Variants in TMEM41B observed in about 807,000 individuals in gnomAD.
TMEM41B encodes transmembrane protein 41B, also known as protein stasimon.
TMEM41B carries 18 observed loss-of-function variants against 31.9 expected under a neutral mutation model. The ratio of observed to expected loss-of-function variants is 0.56; its 90% CI spans 0.39 to 0.84. The LOEUF is 0.84. TMEM41B is among the 40% of genes least tolerant of loss of function. TMEM41B has a pLI of 0.00. For synonymous variants in TMEM41B, 144 were observed against 124.3 expected, an observed-to-expected ratio of 1.16 and a Z score of -1.05; for missense variants, 322 against 348.0, an observed-to-expected ratio of 0.93 and a Z score of 0.59.
At chr11:9,311,604 G>T in intron 1 of TMEM41B, 2 of 1,021,156 alleles carry the variant, frequency 2.0e-6, no homozygotes, top group Non-Finnish European at 2.9e-6. Flanking sequence ...GATAGGTGGT[G>T]AGTGGGCAGG....
At position 9,314,466 on chromosome 11, in the gene TMEM41B, G is replaced by T. The variant is rs1323807036; in HGVS notation, c.-25C>A. Reference sequence around the variant, plus strand: ...TGGCTGCTGCAAGGTGAAGGGAGCGGTGCGGTGCCGCGCCCCCTAAACAAC... The same window carrying T: ...TGGCTGCTGCAAGGTGAAGGGAGCGTTGCGGTGCCGCGCCCCCTAAACAAC... On this transcript the variant is annotated 5_prime_UTR_variant, in exon 1 of 7. Coordinates refer to ENST00000528080, the MANE Select transcript of TMEM41B (RefSeq NM_015012.4). 1 of 1,543,048 alleles carries T rather than the reference G, an allele frequency of 6.5e-7. No homozygotes were observed. The highest frequency in any genetic ancestry group is 8.8e-7 in the Non-Finnish European group (1 of 1,142,254).
At chr11:9,295,534 A>C in intron 2 of TMEM41B, 147 bp from the exon 3 acceptor site, 1 of 584,640 alleles carries the variant, frequency 1.7e-6, no homozygotes, top group South Asian at 2.3e-5. Flanking sequence ...AAAAGTTTAT[A>C]ATTTTTCTTT....
chr11:9,309,207 T>C (rs374540564), intron 1 of TMEM41B, among the ~76,000 whole-genome samples: 19 of 151,390 alleles, frequency 1.3e-4, no homozygotes, highest in Admixed American at 7.9e-4. Context: ...GATCGCACCA[T>C]TGCACTCCAG....
At chr11:9,300,182 G>A (rs1853213382) in intron 1 of TMEM41B, among the ~76,000 whole-genome samples, 1 of 152,002 alleles carries the variant, frequency 6.6e-6, no homozygotes, top group African/African-American at 2.4e-5. Context: ...TTTAATAACT[G>A]GATATATTAC....
intron 1 of TMEM41B, among the ~76,000 whole-genome samples, chr11:9,306,094 T>C (rs1410984307): frequency 3.3e-5 from 5 of 150,440 alleles, no homozygotes; most frequent in African/African-American, 7.4e-5. Flanking sequence ...TTCTCCTGCC[T>C]CAGCCTCCCA....
chr11:9,312,325 T>C (rs1853578771), intron 1 of TMEM41B, among the ~76,000 whole-genome samples: 1 of 152,298 alleles, frequency 6.6e-6, no homozygotes, highest in Non-Finnish European at 1.5e-5. Flanking sequence ...CAAGACACCC[T>C]GGCCCCTTCT....
intron 1 of TMEM41B, among the ~76,000 whole-genome samples, chr11:9,307,427 T>A (rs531920954): frequency 6.6e-6 from 1 of 151,432 alleles, no homozygotes; most frequent in East Asian, 2.0e-4. Context: ...TTTAAACAGC[T>A]GAAGTATCAT....
intron 2 of TMEM41B, among the ~76,000 whole-genome samples, chr11:9,297,088 AGTT>A (rs978708735): frequency 1.1e-4 from 16 of 151,798 alleles, no homozygotes; most frequent in Non-Finnish European, 2.2e-4. Flanking sequence ...ATGCTCTGCT[AGTT>A]GTTGTTTTTT....
chr11:9,287,794 C>G lies in TMEM41B; in HGVS notation c.475G>C (p.Gly159Arg). The change falls in exon 5 of 7, where the codon GGT (glycine) becomes CGT (arginine). Residue 159 changes from glycine (G) to arginine (R), a missense_variant. By Grantham distance (125) the Gly-to-Arg change is moderately radical (BLOSUM62 -2). Around this residue, in one of 3 missense-constraint regions of TMEM41B, gnomAD observed 47 missense variants for 84.8 expected, o/e 0.55. Coordinates refer to ENST00000528080, the MANE Select transcript of TMEM41B (RefSeq NM_015012.4). ...LFLVCLCSGL[G>R]ASFCYMLSYL... Reference sequence around the variant, plus strand: ...GAAAGCATATAACAGAAAGAGGCACCAAGTCCAGAACACTGGAAAACAAAA... The same window carrying G: ...GAAAGCATATAACAGAAAGAGGCACGAAGTCCAGAACACTGGAAAACAAAA... 1 of 1,612,060 alleles carries G rather than the reference C, an allele frequency of 6.2e-7. No individual in the cohort carries two copies. Among genetic ancestry groups the G allele is most frequent in the Non-Finnish European group, 8.5e-7 (1 of 1,179,114 alleles).
At chr11:9,305,215 A>T (rs769524625) in intron 1 of TMEM41B, among the ~76,000 whole-genome samples, 2 of 150,956 alleles carry the variant, frequency 1.3e-5, no homozygotes, top group Non-Finnish European at 2.9e-5. Flanking sequence ...TATATATATA[A>T]GTATTGAGTT....
chr11:9,288,392 C>T (rs1852883652), intron 4 of TMEM41B, 50 bp downstream of exon 4: 10 of 1,276,592 alleles, frequency 7.8e-6, no homozygotes, highest in Non-Finnish European at 8.8e-6. Flanking sequence ...TCATCATCCT[C>T]ATCATTCTAT....
At chr11:9,295,856 T>C (rs891169749) in intron 2 of TMEM41B, among the ~76,000 whole-genome samples, 15 of 147,818 alleles carry the variant, frequency 1.0e-4, no homozygotes, top group Non-Finnish European at 1.8e-4. Context: ...TTAATTTCAT[T>C]TTATTTTTAT....
intron 1 of TMEM41B, chr11:9,311,573 GC>G: frequency 1.8e-6 from 2 of 1,104,020 alleles, no homozygotes; most frequent in Non-Finnish European, 2.6e-6. Flanking sequence ...GAGGACAGGG[GC>G]CTGGGGGAAA....
chr11:9,286,321 G>T (rs926589802), intron 6 of TMEM41B, 134 bp downstream of exon 6: 17 of 879,340 alleles, frequency 1.9e-5, no homozygotes, highest in Non-Finnish European at 2.7e-5. Context: ...TATTTATACA[G>T]CCAGGCTTTG....
intron 1 of TMEM41B, among the ~76,000 whole-genome samples, chr11:9,313,172 G>T (rs1853603973): frequency 6.6e-6 from 1 of 152,142 alleles, no homozygotes; most frequent in Non-Finnish European, 1.5e-5. Flanking sequence ...CTTTTATTCA[G>T]AGCTGATTTA....
At position 9,311,164 on chromosome 11, in the gene TMEM41B, C is replaced by T. The variant is rs539985276; in HGVS notation, c.121+3157G>A. 4.0e-5 allele frequency: 47 copies of T among 1,183,774 alleles called. 1 individual carries two copies. The South Asian group carries it at 4.9e-4, about 12-fold the overall frequency. The allele number at this position is 1,183,774 out of a possible 1,614,324, so 73.3% of individuals were successfully genotyped here. ...GCTCAACAGCAGGGTGAAGCTCAGG[C>T]GGGGGTAGGGTGTGGGGAGCACAAG... On this transcript the variant is annotated intron_variant, in intron 1 of 6. Coordinates refer to ENST00000528080, the MANE Select transcript of TMEM41B (RefSeq NM_015012.4).
At chr11:9,287,574 ATTAC>A (rs1852863233) in intron 5 of TMEM41B, 124 bp downstream of exon 5, 1 of 579,068 alleles carries the variant, frequency 1.7e-6, no homozygotes, top group Non-Finnish European at 2.9e-6. Flanking sequence ...GATAATTCTT[ATTAC>A]TTGAGTTAAC....
At chr11:9,288,611 A>C in intron 3 of TMEM41B, 76 bp from the exon 4 acceptor site, 1 of 1,087,694 alleles carries the variant, frequency 9.2e-7, no homozygotes, top group South Asian at 1.7e-5. Context: ...TTCAGGAAAA[A>C]AGTATAAATA....
chr11:9,299,781 T>G, intron 1 of TMEM41B, 80 bp from the exon 2 acceptor site: 1 of 1,060,570 alleles, frequency 9.4e-7, no homozygotes, highest in South Asian at 1.4e-5. Flanking sequence ...ATGCTTTCCT[T>G]CCAGAAAATG....
Sources: allele counts gnomAD v4.1 joint callset (sites outside exome capture counted in the v4.1 genomes callset), GRCh38; gene constraint gnomAD v4.1.1; regional missense constraint gnomAD v4.1.1; transcripts MANE v1.5; gene names NCBI Gene and HGNC (gene_info 2026-07-23, HGNC 2026-07-21).